Variants in ATG4D observed in about 807,000 individuals in gnomAD.
The protein encoded by ATG4D is autophagy related 4D cysteine peptidase.
ATG4D carries 51 observed loss-of-function variants against 55.2 expected under a neutral mutation model. The observed-to-expected ratio is 0.92, with a 90% CI of 0.74 to 1.17. ATG4D has a LOEUF of 1.17. Among genes scored for constraint, ATG4D ranks in the 50% most tolerant of loss-of-function variants. The pLI, the probability that ATG4D is intolerant of heterozygous loss-of-function variation, is 0.00. For missense variants in ATG4D, 635 were observed against 649.6 expected (o/e 0.98, Z 0.25); for synonymous variants, 268 against 266.2 (o/e 1.01, Z -0.07).
At chr19:10,552,492 C>T (rs1916302440) in intron 9 of ATG4D, among the ~76,000 whole-genome samples, 168 bp downstream of exon 9, 1 of 152,138 alleles carries the variant, frequency 6.6e-6, no homozygotes, top group African/African-American at 2.4e-5. Context: ...GTGGGAACGC[C>T]AAAGCCCACT....
intron 3 of ATG4D, among the ~76,000 whole-genome samples, chr19:10,546,510 T>C (rs1916033569): frequency 6.6e-6 from 1 of 151,344 alleles, no homozygotes; most frequent in Non-Finnish European, 1.5e-5. Context: ...CACGCTTGTC[T>C]ACTTTTTGTA....
Position 10,553,154 on chromosome 19 carries a change from T to C in ATG4D, c.*87T>C, listed in dbSNP as rs1916356611. 2.4e-5 allele frequency: 34 copies of C among 1,428,458 alleles called. No individual in the cohort carries two copies. In the South Asian group the frequency reaches 4.4e-4, roughly 18 times the overall value. 88.5% of individuals were successfully genotyped at this position (1,428,458 alleles called of 1,614,324 possible). ...GTGGGATCTTGAGCTCTGGCAGTGA[T>C]GATGGTACTTCCTGTTGTCAGCCCC... On this transcript the variant is annotated 3_prime_UTR_variant, in exon 10 of 10. Transcript: ENST00000309469.
Position 10,548,457 on chromosome 19 carries a change from C to G in ATG4D, c.836-447C>G, listed in dbSNP as rs975678303. 2.0e-5 allele frequency among the ~76,000 whole-genome samples: 3 copies of G among 152,178 alleles called. No individual in the cohort carries two copies. In the South Asian group the frequency reaches 6.2e-4, roughly 32 times the overall value. On this transcript the variant is annotated intron_variant, in intron 5 of 9. Coordinates refer to ENST00000309469, the MANE Select transcript of ATG4D (RefSeq NM_032885.6). ...AGCACAAAATGGGCTTACGTAGCTG[C>G]AAGGCAGGGGGCAGGAGAATGGGCC...
intron 6 of ATG4D, 129 bp from the exon 7 acceptor site, chr19:10,551,768 C>T: frequency 2.6e-6 from 2 of 760,880 alleles, no homozygotes; most frequent in Non-Finnish European, 4.5e-6. Context: ...GATGTCAGCT[C>T]CTGAGGGCAA....
chr19:10,547,670 C>T (rs1216010423), intron 5 of ATG4D, among the ~76,000 whole-genome samples: 7 of 148,404 alleles, frequency 4.7e-5, no homozygotes, highest in South Asian at 2.2e-4. Context: ...CAGTGGCTCA[C>T]GCCTGTAATC....
In ATG4D at chr19:10,544,134, G is replaced by A. The variant is rs1915954095; in HGVS notation, c.44G>A (p.Ser15Asn). ...GCCGCCGCGCAGTACCGGAGCAGCA[G>A]CCCGGAGGACGCGCGCCGCCGGCCC... ...SPAAAQYRSS[S>N]PEDARRRPEA... Residue 15 changes from serine (S) to asparagine (N), a missense_variant, in exon 1 of 10, where the codon AGC (serine) becomes AAC (asparagine). Coordinates refer to ENST00000309469, the MANE Select transcript of ATG4D (RefSeq NM_032885.6). 7.2e-6 allele frequency: 9 copies of A among 1,243,746 alleles called. No homozygotes were observed. The South Asian group carries it at 1.2e-4, about 17-fold the overall frequency. The allele number at this position is 1,243,746 out of a possible 1,614,324, so 77.0% of individuals were successfully genotyped here. A position where few individuals can be genotyped will look rare whatever the true frequency, so the allele number is the denominator to read the frequency against.
At position 10,552,909 on chromosome 19, in the gene ATG4D, G is replaced by C. The variant is rs1916332652; in HGVS notation, c.1267G>C (p.Glu423Gln). Residue 423 changes from glutamate to glutamine, a missense_variant, in exon 10 of 10, where the codon GAG becomes CAG. Coordinates refer to ENST00000309469, the MANE Select transcript of ATG4D (RefSeq NM_032885.6). ...TRVLSSSSAT[E>Q]RYPMFTLAEG... ...GGTCCTCAGCTCCTCCTCAGCCACA[G>C]AGCGGTACCCCATGTTCACCCTGGC... The C allele has an allele frequency of 6.2e-7, 1 of 1,612,384 alleles. No homozygotes were observed. The highest frequency in any genetic ancestry group is 1.3e-5 in the African/African-American group (1 of 74,910).
intron 5 of ATG4D, 59 bp from the exon 6 acceptor site, chr19:10,548,845 G>A (rs1160310550): frequency 1.3e-6 from 2 of 1,589,672 alleles, no homozygotes; most frequent in East Asian, 4.5e-5. Context: ...GGGTTAGAGG[G>A]CTACGCTGGG....
chr19:10,553,167 T>C lies in ATG4D; in HGVS notation c.*100T>C. 7.2e-7 allele frequency: 1 copy of C among 1,391,434 alleles called. No individual in the cohort carries two copies. The highest frequency in any genetic ancestry group is 9.5e-7 in the Non-Finnish European group (1 of 1,047,814). The allele number at this position is 1,391,434 out of a possible 1,614,324, so 86.2% of individuals were successfully genotyped here. Reference sequence around the variant, plus strand: ...CTCTGGCAGTGATGATGGTACTTCCTGTTGTCAGCCCCTCAAGCCCAGCTG... The same window carrying C: ...CTCTGGCAGTGATGATGGTACTTCCCGTTGTCAGCCCCTCAAGCCCAGCTG... On this transcript the variant is annotated 3_prime_UTR_variant, in exon 10 of 10. Coordinates refer to ENST00000309469, the MANE Select transcript of ATG4D (RefSeq NM_032885.6).
intron 6 of ATG4D, chr19:10,550,938 C>T (rs1037698292): frequency 6.6e-6 from 1 of 152,040 alleles, no homozygotes. Context: ...TCTCGATCTC[C>T]TGACCTCGTG....
Position 10,552,895 on chromosome 19 carries a change from C to A in ATG4D, c.1253C>A (p.Ser418Tyr), listed in dbSNP as rs1916331597. The A allele has an allele frequency of 1.9e-6, 3 of 1,579,976 alleles. No individual in the cohort carries two copies. The highest frequency in any genetic ancestry group is 2.6e-6 in the Non-Finnish European group (3 of 1,150,508). ...LCSELTRVLS[S>Y]SSATERYPMF... is the part of the protein sequence containing the mutation. ...CCCTCTTCCCGCCAGGTCCTCAGCT[C>A]CTCCTCAGCCACAGAGCGGTACCCC... Residue 418 changes from serine (S) to tyrosine (Y), a missense_variant, in exon 10 of 10, where the codon TCC becomes TAC. Physicochemically the swap from Ser to Tyr is moderately radical, Grantham distance 144. Coordinates refer to ENST00000309469, the MANE Select transcript of ATG4D (RefSeq NM_032885.6).
In ATG4D at chr19:10,553,225, A is replaced by C; in HGVS notation, c.*158A>C. 1 of 920,330 alleles carries C rather than the reference A, an allele frequency of 1.1e-6. No individual in the cohort carries two copies. The highest frequency in any genetic ancestry group is 2.7e-5 in the East Asian group (1 of 37,458). The allele number at this position is 920,330 out of a possible 1,614,324, so 57.0% of individuals were successfully genotyped here. On this transcript the variant is annotated 3_prime_UTR_variant, in exon 10 of 10. Transcript: ENST00000309469. ...TCTGGGGCCATTCAGCCAGGGACAGAGCCCACAGAGCCCATACACCTGTCT... is the reference window on the plus strand; with the variant it reads ...TCTGGGGCCATTCAGCCAGGGACAGCGCCCACAGAGCCCATACACCTGTCT...
Position 10,544,162 on chromosome 19 carries a change from G to T in ATG4D, c.72G>T (p.Glu24Asp). 1 of 1,245,126 alleles carries T rather than the reference G, an allele frequency of 8.0e-7. No individual in the cohort carries two copies. The allele number at this position is 1,245,126 out of a possible 1,614,324, so 77.1% of individuals were successfully genotyped here. The change falls in exon 1 of 10, where the codon GAG (glutamate) becomes GAT (aspartate). Residue 24 changes from glutamate (E) to aspartate (D), a missense_variant. Physicochemically the swap from Glu to Asp is conservative, Grantham distance 45. Coordinates refer to ENST00000309469, the MANE Select transcript of ATG4D (RefSeq NM_032885.6). ...SSPEDARRRP[E>D]ARRPRGPRGP... ...CGGAGGACGCGCGCCGCCGGCCCGA[G>T]GCCCGCAGGCCGCGGGGTCCCAGAG...
In ATG4D at chr19:10,553,036, G is replaced by T. The variant is rs559424087; in HGVS notation, c.1394G>T (p.Arg465Leu). Residue 465 changes from arginine (R) to leucine (L), a missense_variant, in exon 10 of 10, where the codon CGC (arginine) becomes CTC (leucine). Transcript: ENST00000309469. Reference sequence around the variant, plus strand: ...ACAGGGCGGCTCCTCAGGGCCAAACGCCCCAGCTCTGAGGACTTTGTGTTT... The same window carrying T: ...ACAGGGCGGCTCCTCAGGGCCAAACTCCCCAGCTCTGAGGACTTTGTGTTT... ...PRTGRLLRAK[R>L]PSSEDFVFL 28 of 1,610,338 alleles carry T rather than the reference G, an allele frequency of 1.7e-5. No homozygotes were observed. The Admixed American group carries it at 4.5e-4, about 26-fold the overall frequency.
In ATG4D at chr19:10,546,847, TG is replaced by T; in HGVS notation, c.505del (p.Ala169ProfsTer83). 6.3e-7 allele frequency: 1 copy of T among 1,583,820 alleles called. No homozygotes were observed. Among genetic ancestry groups the T allele is most frequent in the Non-Finnish European group, 8.6e-7 (1 of 1,162,268 alleles). On this transcript the variant is annotated frameshift_variant, in exon 4 of 10. Coordinates refer to ENST00000309469, the MANE Select transcript of ATG4D (RefSeq NM_032885.6). LOFTEE classifies it high-confidence loss of function. ...LLHFLPRDWT[W>X]AEGMGLGPPE... ...GTGCTCCATTCCACCAGACTGGACA[TG>T]GGCCGAGGGCATGGGCCTGGGCCCC...
chr19:10,544,264 G>C lies in ATG4D; in HGVS notation c.174G>C (p.Glu58Asp). ...GCTCTCCCGGGGCTGGCCCGAGTGAGCCGGACGAAGTGGACAAGTTCAAGG... is the reference window on the plus strand; with the variant it reads ...GCTCTCCCGGGGCTGGCCCGAGTGACCCGGACGAAGTGGACAAGTTCAAGG... ...ALGSPGAGPS[E>D]PDEVDKFKAK... The change falls in exon 1 of 10, where the codon GAG becomes GAC. Residue 58 changes from glutamate to aspartate, a missense_variant. Coordinates refer to ENST00000309469, the MANE Select transcript of ATG4D (RefSeq NM_032885.6). 7.9e-7 allele frequency: 1 copy of C among 1,271,200 alleles called. No homozygotes were observed. Among genetic ancestry groups the C allele is most frequent in the Non-Finnish European group, 1.0e-6 (1 of 1,000,680 alleles). The allele number at this position is 1,271,200 out of a possible 1,614,324, so 78.7% of individuals were successfully genotyped here. A position where few individuals can be genotyped will look rare whatever the true frequency, so the allele number is the denominator to read the frequency against.
At chr19:10,550,551 G>A (rs943903622) in intron 6 of ATG4D, among the ~76,000 whole-genome samples, 1 of 152,016 alleles carries the variant, frequency 6.6e-6, no homozygotes, top group African/African-American at 2.4e-5. Flanking sequence ...CCACCTTCTT[G>A]ATGTCGGGAT....
At chr19:10,547,348 C>G in intron 5 of ATG4D, 95 bp downstream of exon 5, 1 of 1,458,756 alleles carries the variant, frequency 6.9e-7, no homozygotes, top group Non-Finnish European at 9.3e-7. Context: ...GAGGCTGGAA[C>G]AAGTTGTGGG....
Position 10,550,658 on chromosome 19 carries a change from G to A in ATG4D, c.967-1239G>A, listed in dbSNP as rs117295504. On this transcript the variant is annotated intron_variant, in intron 6 of 9. Transcript: ENST00000309469. The stretch of plus-strand genomic sequence containing the variant: ...GACACTCCCACCTCAGGGCCTTTGC[G>A]CTTGCTGCCCCTGCTGCTTGGAGCA... Among the ~76,000 whole-genome samples, 510 of 150,752 alleles carry A rather than the reference G, an allele frequency of 3.4e-3. 1 individual carries two copies. The highest frequency in any genetic ancestry group is 8.4e-3 in the South Asian group (40 of 4,752).
Sources: gnomAD v4.1 joint callset for allele counts (sites outside exome capture counted in the v4.1 genomes callset) on GRCh38, gnomAD v4.1.1 for gene constraint, MANE v1.5 for transcripts, NCBI Gene and HGNC (gene_info 2026-07-23, HGNC 2026-07-21) for gene names.